Variants in OSBPL1A observed in about 807,000 individuals in gnomAD.
The protein encoded by OSBPL1A is oxysterol binding protein like 1A, also known as oxysterol-binding protein-related protein 1.
OSBPL1A carries 80 observed loss-of-function variants against 137.1 expected under a neutral mutation model. That is an observed-to-expected ratio of 0.58 (90% confidence interval 0.49 to 0.70). The LOEUF (loss-of-function observed/expected upper bound fraction) is 0.70, where lower values mean the gene tolerates loss of function less well. OSBPL1A is among the 30% of genes least tolerant of loss of function. The pLI, the probability that OSBPL1A is intolerant of heterozygous loss-of-function variation, is 0.00. For missense variants in OSBPL1A, 970 were observed against 1,129.4 expected (o/e 0.86, Z 2.02); for synonymous variants, 365 against 389.7 (o/e 0.94, Z 0.75).
At chr18:24,367,045 A>C in intron 3 of OSBPL1A, 79 bp from the exon 4 acceptor site, 1 of 1,210,430 alleles carries the variant, frequency 8.3e-7, no homozygotes, top group Non-Finnish European at 1.1e-6. Context: ...TAAGGCCTTA[A>C]AAAATTAAAA....
chr18:24,291,237 CAT>C (rs936674215), intron 14 of OSBPL1A, among the ~76,000 whole-genome samples: 5 of 152,038 alleles, frequency 3.3e-5, no homozygotes, highest in African/African-American at 1.2e-4. Context: ...GCTTTAAATT[CAT>C]ATGTCTGAAG....
At chr18:24,308,476 T>G (rs1177236768) in intron 13 of OSBPL1A, among the ~76,000 whole-genome samples, 1 of 151,942 alleles carries the variant, frequency 6.6e-6, no homozygotes, top group Non-Finnish European at 1.5e-5. Context: ...CACCTCAGCC[T>G]CCCAAAGTAC....
At chr18:24,246,492 G>A (rs997761021) in intron 15 of OSBPL1A, among the ~76,000 whole-genome samples, 1 of 151,768 alleles carries the variant, frequency 6.6e-6, no homozygotes. Context: ...GCCAAGAGTA[G>A]AATAAAAGAA....
chr18:24,274,634 G>A (rs561085775), intron 15 of OSBPL1A, among the ~76,000 whole-genome samples: 1 of 152,204 alleles, frequency 6.6e-6, no homozygotes, highest in Admixed American at 6.5e-5. Context: ...GAGGCCAGGC[G>A]TGGTGGCTGA....
chr18:24,185,328 C>CTTT (rs200202342), intron 18 of OSBPL1A, among the ~76,000 whole-genome samples: 1 of 139,906 alleles, frequency 7.1e-6, no homozygotes, highest in Non-Finnish European at 1.6e-5. Context: ...ATTCTTTTTT[C>CTTT]TTTTTTTTTT....
intron 3 of OSBPL1A, 109 bp from the exon 4 acceptor site, chr18:24,367,075 G>T: frequency 1.2e-6 from 1 of 844,918 alleles, no homozygotes; most frequent in Non-Finnish European, 1.7e-6. Context: ...TTGTTTAGGT[G>T]TCAGTACTAA....
intron 18 of OSBPL1A, among the ~76,000 whole-genome samples, chr18:24,185,511 A>G (rs2086724052): frequency 6.6e-6 from 1 of 151,946 alleles, no homozygotes; most frequent in African/African-American, 2.4e-5. Context: ...AGTAGAGACG[A>G]GGTTTCACCA....
intron 17 of OSBPL1A, among the ~76,000 whole-genome samples, chr18:24,212,579 G>A (rs1567949250): frequency 6.6e-6 from 1 of 151,944 alleles, no homozygotes; most frequent in Non-Finnish European, 1.5e-5. Flanking sequence ...CTGGTTTTTA[G>A]TCACACAACT....
At chr18:24,394,892 C>T (rs528167163) in intron 1 of OSBPL1A, among the ~76,000 whole-genome samples, 85 of 152,278 alleles carry the variant, frequency 5.6e-4, no homozygotes, top group Non-Finnish European at 9.4e-4. Flanking sequence ...CCTAGTTTAT[C>T]TTCCTAGTAA....
rs1202838952 is a variant in OSBPL1A at position 24,314,307 on chromosome 18, A to C, written c.911T>G (p.Phe304Cys). ...TDSCLFFIKC[F>C]DDTIHGFRVP... Reference sequence around the variant, plus strand: ...CCGGAAGCCATGAATGGTGTCATCAAAGCATTTAATAAAGAAGAGGCAGCT... The same window carrying C: ...CCGGAAGCCATGAATGGTGTCATCACAGCATTTAATAAAGAAGAGGCAGCT... The change falls in exon 12 of 28, where the codon TTT (phenylalanine) becomes TGT (cysteine). Residue 304 changes from phenylalanine (F) to cysteine (C), a missense_variant. This residue lies in a region of OSBPL1A where 647 missense variants were observed against 672.6 expected (regional missense o/e 0.96). Coordinates refer to ENST00000319481, the MANE Select transcript of OSBPL1A (RefSeq NM_080597.4). 1.2e-6 allele frequency: 2 copies of C among 1,611,930 alleles called. No individual in the cohort carries two copies. Among genetic ancestry groups the C allele is most frequent in the African/African-American group, 1.3e-5 (1 of 74,830 alleles).
At chr18:24,308,193 G>A (rs2090543640) in intron 13 of OSBPL1A, among the ~76,000 whole-genome samples, 1 of 147,786 alleles carries the variant, frequency 6.8e-6, no homozygotes, top group Admixed American at 6.8e-5. Context: ...TTGGCTCACT[G>A]CAACCTCCAC....
intron 14 of OSBPL1A, among the ~76,000 whole-genome samples, chr18:24,287,646 G>T (rs1010380022): frequency 6.6e-6 from 1 of 151,996 alleles, no homozygotes; most frequent in African/African-American, 2.4e-5. Context: ...GGTGGTACTT[G>T]CCTGTAATCC....
rs2091273815 is a variant in OSBPL1A at position 24,341,563 on chromosome 18, G to C, written c.378C>G (p.Ile126Met). The C allele has an allele frequency of 1.2e-6, 2 of 1,611,444 alleles. No homozygotes were observed. The highest frequency in any genetic ancestry group is 1.7e-6 in the Non-Finnish European group (2 of 1,178,134). The part of the protein sequence containing the change: ...TAKEVTHAEE[I>M]RSMLEAVERT... ...GATATTTACCTTCAAGCATGCTTCT[G>C]ATTTCTTCAGCATGAGTAACTTCTT... Residue 126 changes from isoleucine (I) to methionine (M), a missense_variant, in exon 5 of 28, where the codon ATC becomes ATG. Physicochemically the swap from Ile to Met is conservative, Grantham distance 10. Transcript: ENST00000319481.
intron 4 of OSBPL1A, among the ~76,000 whole-genome samples, chr18:24,362,236 C>G (rs1417256427): frequency 2.6e-5 from 4 of 151,488 alleles, no homozygotes; most frequent in Non-Finnish European, 5.9e-5. Context: ...AAAGAATGAG[C>G]AAGACCATAA....
chr18:24,302,150 C>A (rs1465075192), intron 14 of OSBPL1A, among the ~76,000 whole-genome samples: 1 of 149,538 alleles, frequency 6.7e-6, no homozygotes, highest in Non-Finnish European at 1.5e-5. Flanking sequence ...AGGAGAATGG[C>A]ATGAACACGG....
chr18:24,394,071 A>G (rs1907560844), intron 1 of OSBPL1A, among the ~76,000 whole-genome samples: 1 of 152,214 alleles, frequency 6.6e-6, no homozygotes, highest in African/African-American at 2.4e-5. Flanking sequence ...TGCCCTAATA[A>G]AAAGCATTCA....
intron 4 of OSBPL1A, chr18:24,366,661 G>A (rs1048345654): frequency 1.3e-5 from 5 of 381,520 alleles, no homozygotes; most frequent in Non-Finnish European, 1.9e-5. Context: ...AAGCAGAAAC[G>A]GAATGATCTC....
intron 18 of OSBPL1A, among the ~76,000 whole-genome samples, chr18:24,186,018 TGTTC>T (rs2086737697): frequency 6.6e-6 from 1 of 152,148 alleles, no homozygotes; most frequent in Non-Finnish European, 1.5e-5. Flanking sequence ...TAGTGAATCA[TGTTC>T]GTGCCACTGC....
intron 4 of OSBPL1A, chr18:24,358,115 A>C (rs112809910): frequency 4.3e-5 from 13 of 304,482 alleles, no homozygotes; most frequent in Non-Finnish European, 3.0e-5. Flanking sequence ...CAGGTTTAGC[A>C]TACGATGAGA....
Sources: gnomAD v4.1 joint callset for allele counts (sites outside exome capture counted in the v4.1 genomes callset) on GRCh38, gnomAD v4.1.1 for gene constraint, gnomAD v4.1.1 regional missense constraint, MANE v1.5 for transcripts, NCBI Gene and HGNC (gene_info 2026-07-23, HGNC 2026-07-21) for gene names.